The following FIRRM variants were observed in gnomAD, a reference collection of about 807,000 sequenced individuals.
FIRRM encodes FIGNL1 interacting regulator of recombination and mitosis, also known as FIGNL1-interacting regulator of recombination and mitosis.
At chr1:169,786,859 C>T in the FIRRM span, among the ~76,000 whole-genome samples, 2 of 152,144 alleles carry the variant, frequency 1.3e-5, no homozygotes, top group South Asian at 4.1e-4. Context: ...TTGATTTCTC[C>T]TCTGTAGCCT....
At chr1:169,843,148 G>A in the FIRRM span, among the ~76,000 whole-genome samples, 1 of 152,226 alleles carries the variant, frequency 6.6e-6, no homozygotes, top group Non-Finnish European at 1.5e-5. Flanking sequence ...GGAAATGATA[G>A]ATATGATTTT....
chr1:169,797,471 C>T, the FIRRM span, among the ~76,000 whole-genome samples: 1 of 152,300 alleles, frequency 6.6e-6, no homozygotes, highest in South Asian at 2.1e-4. Context: ...ATGATGACCT[C>T]ATTTTGATTG....
the FIRRM span, chr1:169,808,017 A>G: frequency 9.0e-6 from 11 of 1,221,716 alleles, no homozygotes; most frequent in South Asian, 9.8e-5. Flanking sequence ...GGGTCAGTCT[A>G]TTTAAGAGGA....
the FIRRM span, chr1:169,803,354 T>G: frequency 6.3e-7 from 1 of 1,579,750 alleles, no homozygotes; most frequent in Non-Finnish European, 8.7e-7. Flanking sequence ...ATAATCAATG[T>G]GCATAGGGGC....
chr1:169,852,775 A>ATGTTT, the FIRRM span: 1 of 1,612,198 alleles, frequency 6.2e-7, no homozygotes, highest in Non-Finnish European at 8.5e-7. Context: ...GATATTACTT[A>ATGTTT]TGTTTTTTTT....
the FIRRM span, among the ~76,000 whole-genome samples, chr1:169,823,197 C>G: frequency 2.6e-5 from 4 of 151,376 alleles, no homozygotes; most frequent in African/African-American, 9.7e-5. Context: ...GTTTCATGAG[C>G]CGAGATCACA....
At chr1:169,849,515 A>T in the FIRRM span, 4 of 1,613,870 alleles carry the variant, frequency 2.5e-6, no homozygotes, top group Non-Finnish European at 3.4e-6. Flanking sequence ...AATTCTGCCC[A>T]ACCTGTCCTG....
the FIRRM span, among the ~76,000 whole-genome samples, chr1:169,812,946 A>G: frequency 6.6e-6 from 1 of 152,206 alleles, no homozygotes; most frequent in Non-Finnish European, 1.5e-5. Flanking sequence ...ATTTTTAATA[A>G]GGGTCAAAAT....
the FIRRM span, among the ~76,000 whole-genome samples, chr1:169,794,374 G>C: frequency 6.6e-6 from 1 of 152,106 alleles, no homozygotes; most frequent in Non-Finnish European, 1.5e-5. Context: ...ATTCATCCAA[G>C]ACTTCACTCC....
the FIRRM span, among the ~76,000 whole-genome samples, chr1:169,792,257 G>C: frequency 2.0e-5 from 3 of 152,234 alleles, no homozygotes; most frequent in East Asian, 1.9e-4. Context: ...TCACAGACTT[G>C]AGAGAAGAAA....
the FIRRM span, chr1:169,804,183 A>G: frequency 6.9e-6 from 11 of 1,598,872 alleles, no homozygotes; most frequent in Admixed American, 1.8e-5. Flanking sequence ...ACTGCTGGAC[A>G]TGGTTTGCAT....
At chr1:169,803,216 CTG>C in the FIRRM span, 2 of 1,614,010 alleles carry the variant, frequency 1.2e-6, no homozygotes, top group Middle Eastern at 1.7e-4. Context: ...TTCAGCATAT[CTG>C]TGCCACACAG....
At chr1:169,852,825 G>C in the FIRRM span, 1 of 1,614,066 alleles carries the variant, frequency 6.2e-7, no homozygotes, top group Non-Finnish European at 8.5e-7. Flanking sequence ...AGTTCCCCTG[G>C]GAAGAAGAGT....
At chr1:169,800,759 G>T in the FIRRM span, 35 of 309,602 alleles carry the variant, frequency 1.1e-4, no homozygotes, top group Admixed American at 2.4e-4. Context: ...TCTCTGTATA[G>T]AATGTGGTAT....
chr1:169,832,480 T>A, the FIRRM span: 1 of 1,613,522 alleles, frequency 6.2e-7, no homozygotes, highest in East Asian at 2.2e-5. Context: ...GAAGCGTCTC[T>A]TTTTCTTCAT....
chr1:169,806,819 C>T, the FIRRM span, among the ~76,000 whole-genome samples: 1 of 152,192 alleles, frequency 6.6e-6, no homozygotes, highest in Admixed American at 6.5e-5. Flanking sequence ...GTTAATTTCT[C>T]TGAACGTTAG....
chr1:169,813,933 G>A, the FIRRM span, among the ~76,000 whole-genome samples: 1 of 152,214 alleles, frequency 6.6e-6, no homozygotes, highest in Non-Finnish European at 1.5e-5. Context: ...TGTGCCCTGA[G>A]TGCTTTTCCC....
the FIRRM span, among the ~76,000 whole-genome samples, chr1:169,822,017 T>A: frequency 6.6e-6 from 1 of 152,236 alleles, no homozygotes; most frequent in African/African-American, 2.4e-5. Context: ...GATGGTCATT[T>A]AAAAATTTTT....
At chr1:169,845,616 C>A in the FIRRM span, among the ~76,000 whole-genome samples, 1 of 152,138 alleles carries the variant, frequency 6.6e-6, no homozygotes, top group Non-Finnish European at 1.5e-5. Flanking sequence ...ATGTTCACAC[C>A]ATCTTCTATA....
Sources: allele counts gnomAD v4.1 joint callset (sites outside exome capture counted in the v4.1 genomes callset), GRCh38; gene constraint gnomAD v4.1.1; transcripts MANE v1.5; gene names NCBI Gene and HGNC (gene_info 2026-07-23, HGNC 2026-07-21).